PRDX3: variants seen among roughly 807,000 people sequenced by gnomAD.
The protein encoded by PRDX3 is peroxiredoxin 3.
PRDX3 carries 20 observed loss-of-function variants against 30.4 expected under a neutral mutation model. That is an observed-to-expected ratio of 0.66 (90% CI 0.46 to 0.96). The LOEUF (loss-of-function observed/expected upper bound fraction) is 0.96. Among genes scored for constraint, PRDX3 ranks in the 40% least tolerant of loss-of-function variants. PRDX3 has a pLI of 0.00. For synonymous variants in PRDX3, 124 were observed against 117.8 expected (o/e 1.05, Z -0.34); for missense variants, 322 against 318.3 (o/e 1.01, Z -0.09).
chr10:119,177,649 C>CAAAA (rs34339894), intron 1 of PRDX3, among the ~76,000 whole-genome samples: 1 of 94,900 alleles, frequency 1.1e-5, no homozygotes, highest in Middle Eastern at 5.3e-3. Context: ...AACTCCGTCT[C>CAAAA]AAAAAAAAAA....
At chr10:119,174,840 C>G (rs10749296) in intron 2 of PRDX3, 394,475 of 397,432 alleles carry the variant, frequency 0.99, 195,848 homozygotes, top group East Asian at 1. Flanking sequence ...AATCCACACA[C>G]ACCCTCCAGT....
At position 119,173,843 on chromosome 10, in the gene PRDX3, G is replaced by C. The variant is rs371028957; in HGVS notation, c.341C>G (p.Ala114Gly). The C allele has an allele frequency of 2.2e-5, 35 of 1,610,852 alleles. No individual in the cohort carries two copies. The highest frequency in any genetic ancestry group is 1.9e-4 in the South Asian group (17 of 90,788). ...FTFVCPTEIVAFSDKANEFHD... is the reference protein window; with the variant it reads ...FTFVCPTEIVGFSDKANEFHD... Reference sequence around the variant, plus strand: ...AAATTCGTTAGCTTTGTCACTAAAAGCAACAATTTCTGTAGGACACACAAA... The same window carrying C: ...AAATTCGTTAGCTTTGTCACTAAAACCAACAATTTCTGTAGGACACACAAA... The change falls in exon 4 of 7, where the codon GCT becomes GGT. Residue 114 changes from alanine to glycine, a missense_variant. By Grantham distance (60) the Ala-to-Gly change is moderately conservative. Coordinates refer to ENST00000298510, the MANE Select transcript of PRDX3 (RefSeq NM_006793.5).
chr10:119,178,314 G>T (rs61155455), intron 1 of PRDX3, among the ~76,000 whole-genome samples: 2 of 152,344 alleles, frequency 1.3e-5, no homozygotes, highest in African/African-American at 4.8e-5. Context: ...GTGGGATTGG[G>T]AGGGAAAGCC....
At chr10:119,171,231 G>A (rs1240753927) in intron 5 of PRDX3, among the ~76,000 whole-genome samples, 5 of 151,944 alleles carry the variant, frequency 3.3e-5, no homozygotes, top group Admixed American at 2.0e-4. Context: ...TAGTAGAGAC[G>A]GGGTTTCACC....
chr10:119,174,395 C>A, intron 3 of PRDX3, 56 bp downstream of exon 3: 1 of 1,530,070 alleles, frequency 6.5e-7, no homozygotes, highest in Non-Finnish European at 8.8e-7. Flanking sequence ...AGTGTGGGAA[C>A]AGGATATGTG....
At chr10:119,176,944 G>A in intron 2 of PRDX3, 77 bp downstream of exon 2, 1 of 1,580,292 alleles carries the variant, frequency 6.3e-7, no homozygotes, top group Non-Finnish European at 8.6e-7. Context: ...TTTGGCCAGG[G>A]TTCAGAGCCC....
At chr10:119,172,639 C>T (rs551555756) in intron 4 of PRDX3, among the ~76,000 whole-genome samples, 154 bp from the exon 5 acceptor site, 6 of 152,188 alleles carry the variant, frequency 3.9e-5, no homozygotes, top group Non-Finnish European at 5.9e-5. Flanking sequence ...ACTGCCTCCT[C>T]GAAACCACCC....
intron 3 of PRDX3, among the ~76,000 whole-genome samples, chr10:119,174,222 C>T (rs1847975094): frequency 6.6e-6 from 1 of 152,190 alleles, no homozygotes; most frequent in Non-Finnish European, 1.5e-5. Context: ...AGCAGTGCTC[C>T]AGAGCACAGA....
rs980401740 is a variant in PRDX3, at chr10:119,176,990, G to A, written c.169+31C>T. 4 of 1,613,008 alleles carry A rather than the reference G, an allele frequency of 2.5e-6. No individual in the cohort carries two copies. The African/African-American group carries it at 5.3e-5, about 22-fold the overall frequency. ...ACGATGGTTCATTTTTCCTTTACCTGGCTCCAGCCAAGACATGACATAACA... is the reference window on the plus strand; with the variant it reads ...ACGATGGTTCATTTTTCCTTTACCTAGCTCCAGCCAAGACATGACATAACA... On this transcript the variant is annotated intron_variant, in intron 2 of 6. Coordinates refer to ENST00000298510, the MANE Select transcript of PRDX3 (RefSeq NM_006793.5).
intron 5 of PRDX3, 152 bp downstream of exon 5, chr10:119,172,230 A>T (rs1161391794): frequency 1.5e-6 from 1 of 652,742 alleles, no homozygotes; most frequent in Non-Finnish European, 2.6e-6. Context: ...TTGGCCTCCC[A>T]AAGTGCTACG....
At chr10:119,177,270 C>T in intron 1 of PRDX3, 117 bp from the exon 2 acceptor site, 1 of 991,082 alleles carries the variant, frequency 1.0e-6, no homozygotes. Context: ...AATAGCAAAC[C>T]CCAAACTCTA....
rs1462521005 is a variant in PRDX3, at chr10:119,178,687, C to CT, written c.36+67dup. ...CCCTCATGCCCAGAAGCGCGGGGTC[C>CT]TGTCTGAGAAGCACGTTCCCGGAGC... On this transcript the variant is annotated intron_variant, in intron 1 of 6. Transcript: ENST00000298510. 6 of 1,528,794 alleles carry CT rather than the reference C, an allele frequency of 3.9e-6. No individual in the cohort carries two copies. The East Asian group carries it at 1.5e-4, about 37-fold the overall frequency. 94.7% of individuals were successfully genotyped at this position (1,528,794 alleles called of 1,614,324 possible). A position where few individuals can be genotyped will look rare whatever the true frequency, so the allele number is the denominator to read the frequency against.
chr10:119,171,297 C>A (rs1459048518), intron 5 of PRDX3, among the ~76,000 whole-genome samples: 1 of 152,016 alleles, frequency 6.6e-6, no homozygotes, highest in African/African-American at 2.4e-5. Flanking sequence ...GCCTCGGCCT[C>A]CCAAAGTGCT....
rs775511785 is a variant in PRDX3, at chr10:119,178,796, G to A, written c.-6C>T. 3 of 1,552,330 alleles carry A rather than the reference G, an allele frequency of 1.9e-6. No homozygotes were observed. The highest frequency in any genetic ancestry group is 2.4e-5 in the East Asian group (1 of 41,050). On this transcript the variant is annotated 5_prime_UTR_variant, in exon 1 of 7. Coordinates refer to ENST00000298510, the MANE Select transcript of PRDX3 (RefSeq NM_006793.5). ...CGTCCTACAGCAGCCGCCATCTTCA[G>A]TGCACTCGGGCGCCACGGGGCGGGC...
At chr10:119,175,273 G>A (rs1400911226) in intron 2 of PRDX3, among the ~76,000 whole-genome samples, 1 of 152,190 alleles carries the variant, frequency 6.6e-6, no homozygotes, top group Non-Finnish European at 1.5e-5. Context: ...AGCAGCGTGT[G>A]GCAGTCTAAT....
Position 119,169,357 on chromosome 10 carries a change from A to T in PRDX3, c.552-15T>A. The T allele has an allele frequency of 2.5e-6, 4 of 1,610,706 alleles. No homozygotes were observed. The highest frequency in any genetic ancestry group is 3.4e-6 in the Non-Finnish European group (4 of 1,177,780). ...TGAAGAGACCTCTGCATGATCATTT[A>T]TCCTCATCAGTGCCTCAACAGTACC... On this transcript the variant is annotated splice_polypyrimidine_tract_variant and intron_variant, in intron 5 of 6. Coordinates refer to ENST00000298510, the MANE Select transcript of PRDX3 (RefSeq NM_006793.5).
At position 119,168,408 on chromosome 10, in the gene PRDX3, T is replaced by G; in HGVS notation, c.*72A>C. On this transcript the variant is annotated 3_prime_UTR_variant, in exon 7 of 7. Transcript: ENST00000298510. ...CCTTGCCTTCTACAAATAACCATCT[T>G]GAAAATGATAAAAGCAGGTTTCAAC... 1 of 1,603,984 alleles carries G rather than the reference T, an allele frequency of 6.2e-7. No homozygotes were observed. Among genetic ancestry groups the G allele is most frequent in the Non-Finnish European group, 8.5e-7 (1 of 1,177,546 alleles).
chr10:119,172,106 AAAATT>A (rs1253665134), intron 5 of PRDX3, among the ~76,000 whole-genome samples: 2 of 152,134 alleles, frequency 1.3e-5, no homozygotes, highest in Non-Finnish European at 1.5e-5. Flanking sequence ...ATTAAAGACT[AAAATT>A]AAGGATTGAT....
intron 1 of PRDX3, among the ~76,000 whole-genome samples, chr10:119,178,399 G>A (rs1848095555): frequency 1.3e-5 from 2 of 152,228 alleles, no homozygotes; most frequent in African/African-American, 2.4e-5. Flanking sequence ...CCTTGATGTA[G>A]GCATCATTCT....
Sources: gnomAD v4.1 joint callset for allele counts (sites outside exome capture counted in the v4.1 genomes callset) on GRCh38, gnomAD v4.1.1 for gene constraint, MANE v1.5 for transcripts, NCBI Gene and HGNC (gene_info 2026-07-23, HGNC 2026-07-21) for gene names.